ROBO1: variants seen among roughly 807,000 people sequenced by gnomAD.
ROBO1 encodes the protein roundabout homolog 1.
A neutral mutation model predicts 195.9 loss-of-function variants in ROBO1; 149 were observed. That is an observed-to-expected ratio of 0.76 (90% CI 0.67 to 0.87). The LOEUF is 0.87. ROBO1 is among the 40% of genes least tolerant of loss of function. The pLI, the probability that ROBO1 is intolerant of heterozygous loss-of-function variation, is 0.00. For synonymous variants in ROBO1, 816 were observed against 733.2 expected (o/e 1.11, Z -1.82); for missense variants, 1,933 against 2,068.3 (o/e 0.93, Z 1.27).
intron 1 of ROBO1, among the ~76,000 whole-genome samples, chr3:79,761,925 C>T (rs1704720816): frequency 6.6e-6 from 1 of 152,096 alleles, no homozygotes; most frequent in Admixed American, 6.5e-5. Context: ...GACTCAAGTG[C>T]CCCACCCCCA....
chr3:79,575,939 T>C (rs1328591476), intron 2 of ROBO1, among the ~76,000 whole-genome samples: 1 of 151,942 alleles, frequency 6.6e-6, no homozygotes, highest in African/African-American at 2.4e-5. Context: ...CCTGGCTCTC[T>C]TACATAACTC....
At chr3:78,717,495 AT>A in intron 6 of ROBO1, 82 bp from the exon 7 acceptor site, 1 of 1,253,224 alleles carries the variant, frequency 8.0e-7, no homozygotes, top group Non-Finnish European at 1.1e-6. Context: ...GTAAGAGCAT[AT>A]TTTTAATTTA....
At chr3:79,576,521 G>T (rs868209596) in intron 2 of ROBO1, among the ~76,000 whole-genome samples, 4 of 151,814 alleles carry the variant, frequency 2.6e-5, no homozygotes, top group African/African-American at 9.7e-5. Flanking sequence ...AGTAAATATT[G>T]TCTAGTTTAA....
At chr3:79,542,908 A>G (rs1012659553) in intron 2 of ROBO1, among the ~76,000 whole-genome samples, 5 of 152,092 alleles carry the variant, frequency 3.3e-5, no homozygotes, top group Non-Finnish European at 5.9e-5. Context: ...ATTCATTTTA[A>G]TTAACAAAAT....
chr3:79,371,816 G>T (rs763461274), intron 2 of ROBO1, among the ~76,000 whole-genome samples: 8 of 152,122 alleles, frequency 5.3e-5, no homozygotes, highest in African/African-American at 1.9e-4. Flanking sequence ...ATTTATAAGG[G>T]TGGTGCCCTC....
chr3:79,582,938 A>T (rs756286718), intron 2 of ROBO1, among the ~76,000 whole-genome samples: 3 of 152,016 alleles, frequency 2.0e-5, no homozygotes, highest in Non-Finnish European at 2.9e-5. Context: ...CAAGCTATTT[A>T]TTAGGCACCT....
intron 3 of ROBO1, among the ~76,000 whole-genome samples, chr3:79,006,375 T>C (rs1367382740): frequency 6.6e-6 from 1 of 151,932 alleles, no homozygotes; most frequent in Non-Finnish European, 1.5e-5. Flanking sequence ...ACACAGAAGA[T>C]AACAAAAAGT....
At chr3:78,724,573 T>A (rs988156537) in intron 5 of ROBO1, among the ~76,000 whole-genome samples, 3 of 147,882 alleles carry the variant, frequency 2.0e-5, no homozygotes, top group Admixed American at 6.7e-5. Flanking sequence ...TCCCACCTAC[T>A]CTGGAGGCTG....
chr3:78,636,938 TATA>T (rs1575816875), intron 22 of ROBO1, among the ~76,000 whole-genome samples: 3 of 43,772 alleles, frequency 6.9e-5, no homozygotes, highest in Non-Finnish European at 1.5e-4. Context: ...ATTCATTTTA[TATA>T]TATATATATA....
chr3:78,990,015 C>T (rs1311765519), intron 3 of ROBO1, among the ~76,000 whole-genome samples: 3 of 151,996 alleles, frequency 2.0e-5, no homozygotes, highest in Non-Finnish European at 2.9e-5. Context: ...AAGAATTGTA[C>T]ACCTTAGTGG....
intron 2 of ROBO1, among the ~76,000 whole-genome samples, chr3:79,160,154 C>T (rs1326352082): frequency 6.6e-6 from 1 of 151,726 alleles, no homozygotes; most frequent in Admixed American, 6.6e-5. Context: ...TTATTTAACG[C>T]TATTGTAAAT....
chr3:79,062,547 A>C (rs1312676580), intron 3 of ROBO1, among the ~76,000 whole-genome samples: 1 of 152,292 alleles, frequency 6.6e-6, no homozygotes, highest in Non-Finnish European at 1.5e-5. Flanking sequence ...AGACATTCAC[A>C]CATATGTTTA....
At chr3:79,449,736 C>T (rs1249191064) in intron 2 of ROBO1, among the ~76,000 whole-genome samples, 1 of 151,942 alleles carries the variant, frequency 6.6e-6, no homozygotes, top group African/African-American at 2.4e-5. Context: ...ATAGTTAATA[C>T]ATTTATCCTA....
rs566019154 is a variant in ROBO1 at position 79,489,654 on chromosome 3, A to C, written c.88+100170T>G. On this transcript the variant is annotated intron_variant, in intron 2 of 30. Transcript: ENST00000464233. ...TGGGGAGAGTGAGACTTCATCTCAA[A>C]AAAAAAAAAAAAAAAGAAAGAAAGA... Among the ~76,000 whole-genome samples, 317 of 149,534 alleles carry C rather than the reference A, an allele frequency of 2.1e-3. 1 individual carries two copies. The highest frequency in any genetic ancestry group is 7.3e-3 in the African/African-American group (298 of 40,968).
At chr3:79,737,357 C>T (rs1270308592) in intron 1 of ROBO1, among the ~76,000 whole-genome samples, 7 of 152,134 alleles carry the variant, frequency 4.6e-5, no homozygotes, top group Non-Finnish European at 7.4e-5. Flanking sequence ...CAAATATGCA[C>T]GTTAGAATCC....
intron 4 of ROBO1, among the ~76,000 whole-genome samples, chr3:78,877,399 C>A (rs1259634772): frequency 6.6e-6 from 1 of 151,330 alleles, no homozygotes; most frequent in East Asian, 1.9e-4. Flanking sequence ...TTCATTAGAA[C>A]AATTCTCTGA....
At chr3:79,737,656 C>CAA (rs11381251) in intron 1 of ROBO1, among the ~76,000 whole-genome samples, 79,670 of 149,004 alleles carry the variant, frequency 0.53, 21,526 homozygotes, top group South Asian at 0.67. Context: ...TTTGTCCTAT[C>CAA]AAAAAAAAAA....
chr3:79,434,561 GA>G, intron 2 of ROBO1, among the ~76,000 whole-genome samples: 1 of 151,898 alleles, frequency 6.6e-6, no homozygotes, highest in East Asian at 1.9e-4. Context: ...AAAAAGTCAG[GA>G]AACAGTGCCG....
intron 21 of ROBO1, among the ~76,000 whole-genome samples, chr3:78,641,097 G>A (rs766080057): frequency 2.0e-5 from 3 of 151,196 alleles, no homozygotes; most frequent in Admixed American, 2.0e-4. Context: ...TAATGTGTGA[G>A]GCATTGTTCC....
Sources: gnomAD v4.1 joint callset for allele counts (sites outside exome capture counted in the v4.1 genomes callset) on GRCh38, gnomAD v4.1.1 for gene constraint, MANE v1.5 for transcripts, NCBI Gene and HGNC (gene_info 2026-07-23, HGNC 2026-07-21) for gene names.